KLF15: variants seen among roughly 807,000 people sequenced by gnomAD.
KLF15 encodes the protein Krueppel-like factor 15.
KLF15 carries 4 observed loss-of-function variants against 24.6 expected under a neutral mutation model. The ratio of observed to expected loss-of-function variants is 0.16; its 90% CI spans 0.08 to 0.37. The LOEUF is 0.37. Among genes scored for constraint, KLF15 ranks in the 10% least tolerant of loss-of-function variants. KLF15 has a pLI of 1.00. For missense variants in KLF15, 496 were observed against 560.6 expected (o/e 0.88, Z 1.16); for synonymous variants, 246 against 236.3 (o/e 1.04, Z -0.37).
the KLF15 span, among the ~76,000 whole-genome samples, chr3:126,312,775 C>G: frequency 6.6e-6 from 1 of 152,198 alleles, no homozygotes; most frequent in Non-Finnish European, 1.5e-5. Context: ...GGCTGCAAGT[C>G]CTCGATCAAG....
At chr3:126,304,271 G>A in the KLF15 span, among the ~76,000 whole-genome samples, 1 of 152,162 alleles carries the variant, frequency 6.6e-6, no homozygotes, top group Non-Finnish European at 1.5e-5. Context: ...TGTTATCGAT[G>A]CAAGACCATT....
At chr3:126,304,839 AACAG>A in the KLF15 span, among the ~76,000 whole-genome samples, 1 of 152,246 alleles carries the variant, frequency 6.6e-6, no homozygotes, top group Non-Finnish European at 1.5e-5. Context: ...GGCTGCAAGT[AACAG>A]ACAATGTGAC....
chr3:126,321,760 C>T, the KLF15 span, among the ~76,000 whole-genome samples: 4 of 152,214 alleles, frequency 2.6e-5, no homozygotes, highest in Non-Finnish European at 5.9e-5. Context: ...GGTGTCCCCG[C>T]TGGATGTCTG....
chr3:126,305,341 T>C, the KLF15 span, among the ~76,000 whole-genome samples: 1 of 152,240 alleles, frequency 6.6e-6, no homozygotes. Flanking sequence ...TGGCCCATTA[T>C]GTAAGGGTGC....
the KLF15 span, among the ~76,000 whole-genome samples, chr3:126,330,209 G>A: frequency 1.0e-3 from 152 of 152,256 alleles, no homozygotes; most frequent in East Asian, 6.0e-3. Context: ...AGAATCCCTC[G>A]TTCCCCACAG....
the KLF15 span, among the ~76,000 whole-genome samples, chr3:126,304,664 C>A: frequency 1.4e-4 from 22 of 152,218 alleles, no homozygotes; most frequent in Non-Finnish European, 4.4e-5. Flanking sequence ...TCCTTCACAG[C>A]TTGACATCTA....
At chr3:126,292,312 T>C in the KLF15 span, among the ~76,000 whole-genome samples, 3 of 152,056 alleles carry the variant, frequency 2.0e-5, no homozygotes, top group Non-Finnish European at 4.4e-5. Context: ...CCCAAGTGAC[T>C]CTCCATTCCC....
chr3:126,338,599 G>A (rs989481856), downstream of KLF15, among the ~76,000 whole-genome samples: 1 of 152,152 alleles, frequency 6.6e-6, no homozygotes, highest in African/African-American at 2.4e-5. Context: ...CATATCATGG[G>A]GGATTTACAG....
At chr3:126,305,820 G>A in the KLF15 span, among the ~76,000 whole-genome samples, 1 of 152,240 alleles carries the variant, frequency 6.6e-6, no homozygotes, top group Admixed American at 6.5e-5. Flanking sequence ...CCCTTTTCAG[G>A]GTGGGGTCTG....
chr3:126,296,024 G>T, the KLF15 span, among the ~76,000 whole-genome samples: 9 of 152,138 alleles, frequency 5.9e-5, no homozygotes, highest in Non-Finnish European at 2.9e-5. Context: ...CAGTCCCATT[G>T]CTGTTGTCCC....
chr3:126,337,264 G>A, the KLF15 span, among the ~76,000 whole-genome samples: 97 of 136,198 alleles, frequency 7.1e-4, 1 homozygote, highest in East Asian at 9.0e-3. Flanking sequence ...TGATGAGTTC[G>A]TGTCCTTTGC....
the KLF15 span, among the ~76,000 whole-genome samples, chr3:126,297,297 T>G: frequency 6.6e-6 from 1 of 152,206 alleles, no homozygotes; most frequent in Non-Finnish European, 1.5e-5. Flanking sequence ...TAAGATATCA[T>G]GTAATGTATC....
intron 2 of KLF15, among the ~76,000 whole-genome samples, chr3:126,349,222 C>T (rs139130238): frequency 1.8e-4 from 28 of 152,274 alleles, no homozygotes; most frequent in Admixed American, 2.6e-4. Context: ...CCCTAGAGGC[C>T]GGTGTCCTCA....
the KLF15 span, among the ~76,000 whole-genome samples, chr3:126,299,041 G>GCAT: frequency 6.6e-6 from 1 of 152,086 alleles, no homozygotes; most frequent in Non-Finnish European, 1.5e-5. Flanking sequence ...CATTAAATCT[G>GCAT]TAGATTGCTT....
chr3:126,306,539 C>T, the KLF15 span, among the ~76,000 whole-genome samples: 1 of 152,238 alleles, frequency 6.6e-6, no homozygotes, highest in Non-Finnish European at 1.5e-5. Flanking sequence ...TGGCCTCTGA[C>T]TTTGGCATGA....
downstream of KLF15, among the ~76,000 whole-genome samples, chr3:126,341,605 G>C (rs1283639530): frequency 1.3e-5 from 2 of 152,180 alleles, no homozygotes; most frequent in Non-Finnish European, 2.9e-5. Flanking sequence ...AGTCAGGATA[G>C]GATGTCCATC....
the KLF15 span, among the ~76,000 whole-genome samples, chr3:126,323,562 A>G: frequency 7.0e-6 from 1 of 141,952 alleles, no homozygotes; most frequent in Non-Finnish European, 1.5e-5. Context: ...GTTCTGGGGT[A>G]CATGTGCAGA....
At chr3:126,310,367 G>A in the KLF15 span, among the ~76,000 whole-genome samples, 1 of 152,208 alleles carries the variant, frequency 6.6e-6, no homozygotes, top group Non-Finnish European at 1.5e-5. Context: ...ACTCAGGGAG[G>A]TTTCACTCCT....
At chr3:126,299,244 A>G in the KLF15 span, among the ~76,000 whole-genome samples, 1 of 151,806 alleles carries the variant, frequency 6.6e-6, no homozygotes. Context: ...GTATTTGTTT[A>G]TTTATTTATT....
Sources: allele counts gnomAD v4.1 joint callset (sites outside exome capture counted in the v4.1 genomes callset), GRCh38; gene constraint gnomAD v4.1.1; transcripts MANE v1.5; gene names NCBI Gene and HGNC (gene_info 2026-07-23, HGNC 2026-07-21).